CCDC171: variants seen among roughly 807,000 people sequenced by gnomAD.
CCDC171 encodes the protein coiled-coil domain containing 171.
A neutral mutation model predicts 168.2 loss-of-function variants in CCDC171; 177 were observed. That is an observed-to-expected ratio of 1.05 (90% CI 0.93 to 1.19). The LOEUF (loss-of-function observed/expected upper bound fraction) is 1.19. CCDC171 is among the 50% of genes most tolerant of loss of function. The pLI, the probability that CCDC171 is intolerant of heterozygous loss-of-function variation, is 0.00. For missense variants in CCDC171, 1,991 were observed against 1,539.0 expected (o/e 1.29, Z -4.91); for synonymous variants, 687 against 540.8 (o/e 1.27, Z -3.75).
chr9:15,770,737 A>G (rs1356644429), intron 18 of CCDC171, among the ~76,000 whole-genome samples: 3 of 152,224 alleles, frequency 2.0e-5, no homozygotes, highest in Admixed American at 6.5e-5. Flanking sequence ...AGTGAGTAAG[A>G]TAGTGCATGG....
At chr9:15,955,582 A>G (rs983515573) in intron 25 of CCDC171, among the ~76,000 whole-genome samples, 5 of 152,182 alleles carry the variant, frequency 3.3e-5, no homozygotes, top group Non-Finnish European at 7.3e-5. Context: ...GCTAAGAGCT[A>G]AAATTGACTG....
At chr9:15,586,739 C>T (rs765099005) in intron 4 of CCDC171, among the ~76,000 whole-genome samples, 6 of 152,134 alleles carry the variant, frequency 3.9e-5, no homozygotes, top group Non-Finnish European at 8.8e-5. Context: ...ACTGGCAAAA[C>T]CAGGAAGATT....
intron 21 of CCDC171, among the ~76,000 whole-genome samples, chr9:15,828,448 C>T (rs2060104260): frequency 6.6e-6 from 1 of 151,898 alleles, no homozygotes; most frequent in African/African-American, 2.4e-5. Context: ...ATTTTGAAAA[C>T]TTGTTTAAAA....
chr9:15,682,274 C>G (rs933762334), intron 10 of CCDC171, among the ~76,000 whole-genome samples: 2 of 151,962 alleles, frequency 1.3e-5, no homozygotes, highest in African/African-American at 4.8e-5. Context: ...CTGTTAGAGG[C>G]TTTAGAGATC....
chr9:15,661,121 A>C (rs188012453), intron 8 of CCDC171, among the ~76,000 whole-genome samples: 78 of 152,260 alleles, frequency 5.1e-4, no homozygotes, highest in African/African-American at 1.8e-3. Context: ...CCTACTAAAA[A>C]TACAAAAAAT....
intron 1 of CCDC171, chr9:16,042,895 G>GA (rs1833595673): frequency 6.6e-6 from 1 of 152,162 alleles, no homozygotes; most frequent in Non-Finnish European, 1.5e-5. Context: ...AGGTGAGCAA[G>GA]TGCACCAAGG....
chr9:15,576,118 T>TC (rs3082781), intron 3 of CCDC171, among the ~76,000 whole-genome samples: 1 of 137,482 alleles, frequency 7.3e-6, no homozygotes, highest in African/African-American at 2.7e-5. Context: ...TAGCTACATA[T>TC]ATATCATATT....
intron 10 of CCDC171, among the ~76,000 whole-genome samples, chr9:15,685,183 A>G (rs1354887596): frequency 6.6e-6 from 1 of 152,226 alleles, no homozygotes; most frequent in Non-Finnish European, 1.5e-5. Flanking sequence ...TGTTAATAAA[A>G]AATTAGAAAC....
chr9:15,884,011 G>A (rs1369377377), intron 24 of CCDC171, among the ~76,000 whole-genome samples: 2 of 152,154 alleles, frequency 1.3e-5, no homozygotes, highest in Non-Finnish European at 1.5e-5. Flanking sequence ...TACACCAGTA[G>A]CAGGGATTCT....
chr9:15,678,779 C>T lies in CCDC171; in HGVS notation c.1098C>T (p.Ser366=). ...KLNLLEKEYF[S]KNKKLNEDIE... is the part of the protein sequence containing the mutation. Reference sequence around the variant, plus strand: ...TCAGATTAGAAAAAGAGTATTTCTCCAAAAATAAGAAACTAAATGAAGACA... The same window carrying T: ...TCAGATTAGAAAAAGAGTATTTCTCTAAAAATAAGAAACTAAATGAAGACA... The change falls in exon 10 of 26, where the codon TCC becomes TCT. Residue 366 remains serine, a synonymous_variant. Coordinates refer to ENST00000380701, the MANE Select transcript of CCDC171 (RefSeq NM_173550.4). The T allele has an allele frequency of 3.1e-6, 5 of 1,588,584 alleles. No individual in the cohort carries two copies. The highest frequency in any genetic ancestry group is 2.7e-5 in the African/African-American group (2 of 73,186).
At chr9:15,725,002 C>G (rs1564290109) in intron 14 of CCDC171, 26 bp downstream of exon 14, 2 of 1,536,756 alleles carry the variant, frequency 1.3e-6, no homozygotes, top group Non-Finnish European at 1.8e-6. Context: ...CAATGACTGT[C>G]AGGAAGGGCC....
chr9:15,853,753 G>A (rs143777591), intron 23 of CCDC171, among the ~76,000 whole-genome samples: 17 of 151,658 alleles, frequency 1.1e-4, no homozygotes, highest in African/African-American at 3.9e-4. Flanking sequence ...CTCTTTATCA[G>A]TTTGAGAAAG....
At chr9:16,064,824 C>T (rs772599451), downstream of CCDC171, among the ~76,000 whole-genome samples, 10 of 152,204 alleles carry the variant, frequency 6.6e-5, no homozygotes, top group Admixed American at 2.0e-4. Context: ...TTCTACTTTA[C>T]GGCTGGGTCT....
rs184581000 is a variant in CCDC171 at position 15,610,377 on chromosome 9, C to T, written c.676-12890C>T. 7.0e-5 allele frequency among the ~76,000 whole-genome samples: 9 copies of T among 129,466 alleles called. No homozygotes were observed. In the East Asian group the frequency reaches 1.4e-3, roughly 21 times the overall value. The allele number at this position is 129,466 out of a possible 152,430, so 84.9% of individuals were successfully genotyped here. A position where few individuals can be genotyped will look rare whatever the true frequency, so the allele number is the denominator to read the frequency against. On this transcript the variant is annotated intron_variant, in intron 6 of 25. Transcript: ENST00000380701. ...ATCCCAGCACTTTGGGAGGCCAAGG[C>T]GGGTGGATCACCTGAGATCAGGAGT...
downstream of CCDC171, among the ~76,000 whole-genome samples, chr9:15,974,559 A>C (rs752237227): frequency 1.3e-5 from 2 of 152,208 alleles, no homozygotes; most frequent in Non-Finnish European, 2.9e-5. Flanking sequence ...ACCTATCACT[A>C]TTAATTCTTA....
intron 21 of CCDC171, among the ~76,000 whole-genome samples, chr9:15,795,962 G>C (rs1041456870): frequency 5.3e-5 from 8 of 152,134 alleles, no homozygotes; most frequent in Non-Finnish European, 1.0e-4. Context: ...GGATGTTTCT[G>C]CATCTCAAAG....
intron 21 of CCDC171, among the ~76,000 whole-genome samples, chr9:15,792,125 T>C (rs927584663): frequency 5.3e-5 from 8 of 152,206 alleles, no homozygotes; most frequent in South Asian, 2.1e-4. Flanking sequence ...GAGAAGTCCT[T>C]AAATGACCTG....
At chr9:15,563,212 C>G (rs2039458860) in intron 1 of CCDC171, among the ~76,000 whole-genome samples, 1 of 150,464 alleles carries the variant, frequency 6.6e-6, no homozygotes, top group African/African-American at 2.5e-5. Context: ...AATCTTGGCT[C>G]ACTGCAACCT....
At chr9:15,608,239 G>T (rs1437883335) in intron 6 of CCDC171, among the ~76,000 whole-genome samples, 1 of 152,080 alleles carries the variant, frequency 6.6e-6, no homozygotes, top group Non-Finnish European at 1.5e-5. Context: ...GTCACATGGG[G>T]GATTACATTT....
Sources: gnomAD v4.1 joint callset for allele counts (sites outside exome capture counted in the v4.1 genomes callset) on GRCh38, gnomAD v4.1.1 for gene constraint, MANE v1.5 for transcripts, NCBI Gene and HGNC (gene_info 2026-07-23, HGNC 2026-07-21) for gene names.